The following PRKD2 variants were observed in gnomAD, a reference collection of about 807,000 sequenced individuals.
The protein encoded by PRKD2 is serine/threonine-protein kinase D2.
A neutral mutation model predicts 86.0 loss-of-function variants in PRKD2; 22 were observed. The ratio of observed to expected loss-of-function variants is 0.26; its 90% CI spans 0.18 to 0.37. The LOEUF (loss-of-function observed/expected upper bound fraction) is 0.37. Ranked by LOEUF, PRKD2 falls within the 10% of genes least tolerant of loss-of-function variation. The pLI is 1.00. For missense variants in PRKD2, 818 were observed against 1,199.2 expected (o/e 0.68, Z 4.70); for synonymous variants, 509 against 510.9 (o/e 1.00, Z 0.05).
chr19:46,714,190 G>C (rs1191092026), intron 1 of PRKD2, 189 bp from the exon 2 acceptor site: 2 of 1,336,678 alleles, frequency 1.5e-6, no homozygotes, highest in South Asian at 1.9e-5. Context: ...CGCCCCAATT[G>C]TACGGGGAGG....
At chr19:46,689,468 G>GCATA in intron 14 of PRKD2, 69 bp downstream of exon 14, 1 of 1,505,436 alleles carries the variant, frequency 6.6e-7, no homozygotes, top group South Asian at 1.2e-5. Context: ...GACCCCCTAG[G>GCATA]CATACAGGGC....
At chr19:46,714,085 G>A (rs758697568) in intron 1 of PRKD2, 84 bp from the exon 2 acceptor site, 1 of 1,504,980 alleles carries the variant, frequency 6.6e-7, no homozygotes, top group Non-Finnish European at 8.9e-7. Flanking sequence ...CCCAGGGCAG[G>A]GCCGGCTGTT....
At chr19:46,713,802 C>CAA in intron 2 of PRKD2, 61 bp downstream of exon 2, 1 of 1,276,054 alleles carries the variant, frequency 7.8e-7, no homozygotes, top group Non-Finnish European at 1.1e-6. Context: ...CTACCCTCTC[C>CAA]TCCCCCAGAT....
Position 46,702,341 on chromosome 19 carries a change from G to C in PRKD2, c.890-1229C>G, listed in dbSNP as rs150366283. ...AGGTGTGAGCTACTGCCCCTGACCT[G>C]ATTCCGTATTTCTAAGGCTTCAGAG... On this transcript the variant is annotated intron_variant, in intron 5 of 17. Transcript: ENST00000291281. Among the ~76,000 whole-genome samples the C allele has an allele frequency of 2.0e-5, 3 of 151,916 alleles. No homozygotes were observed. The East Asian group carries it at 5.8e-4, about 30-fold the overall frequency.
At chr19:46,698,246 C>T (rs1398170398) in intron 7 of PRKD2, among the ~76,000 whole-genome samples, 1 of 152,064 alleles carries the variant, frequency 6.6e-6, no homozygotes, top group Non-Finnish European at 1.5e-5. Context: ...AACTCTTTGC[C>T]TCAACTCCTT....
rs1029421102 is a variant in PRKD2 at position 46,678,977 on chromosome 19, G to A, written c.2071-314C>T. 3.3e-5 allele frequency among the ~76,000 whole-genome samples: 5 copies of A among 152,196 alleles called. No homozygotes were observed. The highest frequency in any genetic ancestry group is 7.3e-5 in the Non-Finnish European group (5 of 68,030). On this transcript the variant is annotated intron_variant, in intron 15 of 17. Coordinates refer to ENST00000291281, the MANE Select transcript of PRKD2 (RefSeq NM_016457.5). This position sits in a 1 kb window ranked among gnomAD's most constrained non-coding sequence, Gnocchi z 5.7. The stretch of plus-strand genomic sequence containing the variant: ...TGGTGCACAATAAATGCTAGCTGCT[G>A]CTATACCTCTGCCACCTCCAATGGG...
At chr19:46,703,993 A>ACAC (rs1568732338) in intron 5 of PRKD2, among the ~76,000 whole-genome samples, 176 bp downstream of exon 5, 1 of 149,414 alleles carries the variant, frequency 6.7e-6, no homozygotes. Context: ...ACACACACAC[A>ACAC]ACTGAGGTTC....
rs1308542997 is a variant in PRKD2, at chr19:46,683,842, A to G, written c.1972-2094T>C. 2.0e-5 allele frequency among the ~76,000 whole-genome samples: 3 copies of G among 152,072 alleles called. No homozygotes were observed. The East Asian group carries it at 5.8e-4, about 29-fold the overall frequency. ...GCTGTTACTGTTGTTGTTATTAGTT[A>G]TTATTTTTGTGATGGCTTGTTGGTA... On this transcript the variant is annotated intron_variant, in intron 14 of 17. Coordinates refer to ENST00000291281, the MANE Select transcript of PRKD2 (RefSeq NM_016457.5).
intron 15 of PRKD2, among the ~76,000 whole-genome samples, chr19:46,679,756 C>G (rs1182951653): frequency 6.6e-6 from 1 of 152,150 alleles, no homozygotes; most frequent in Non-Finnish European, 1.5e-5. Context: ...TCCCGAATAG[C>G]TGGGATCACA....
intron 8 of PRKD2, 144 bp from the exon 9 acceptor site, chr19:46,697,378 C>T: frequency 3.2e-6 from 2 of 629,462 alleles, no homozygotes. Context: ...TAACCCCACC[C>T]CACCACACGC....
Position 46,710,893 on chromosome 19 carries a change from C to A in PRKD2, c.511+14G>T. 1 of 1,560,260 alleles carries A rather than the reference C, an allele frequency of 6.4e-7. No homozygotes were observed. The highest frequency in any genetic ancestry group is 1.2e-5 in the South Asian group (1 of 85,014). ...CCCCGCCCCAGGCCCCGCCCCCAACCCTTTAGCTCTCACCATCGCACTTGA... is the reference window on the plus strand; with the variant it reads ...CCCCGCCCCAGGCCCCGCCCCCAACACTTTAGCTCTCACCATCGCACTTGA... On this transcript the variant is annotated intron_variant, in intron 3 of 17. Transcript: ENST00000291281.
intron 8 of PRKD2, 120 bp downstream of exon 8, chr19:46,697,613 C>G: frequency 1.1e-6 from 1 of 871,402 alleles, no homozygotes; most frequent in Non-Finnish European, 1.8e-6. Context: ...CGGCCCAGCC[C>G]ACTACTGGCC....
intron 15 of PRKD2, among the ~76,000 whole-genome samples, chr19:46,680,946 A>ATATATATATATTT: frequency 1.2e-4 from 6 of 48,214 alleles, no homozygotes; most frequent in African/African-American, 4.2e-4. Context: ...ATATATATAT[A>ATATATATATATTT]TTTTTTTTTT....
At chr19:46,701,309 T>C (rs1568730541) in intron 5 of PRKD2, among the ~76,000 whole-genome samples, 197 bp from the exon 6 acceptor site, 2 of 151,432 alleles carry the variant, frequency 1.3e-5, no homozygotes, top group Non-Finnish European at 1.5e-5. Context: ...CTTGATTAAG[T>C]AGGAGGGCTA....
intron 2 of PRKD2, among the ~76,000 whole-genome samples, chr19:46,711,250 C>T (rs1165627185): frequency 6.6e-6 from 1 of 152,196 alleles, no homozygotes; most frequent in African/African-American, 2.4e-5. Context: ...TGGGCAGGGA[C>T]AGAGCGGGAA....
chr19:46,713,960 C>T lies in PRKD2; in HGVS notation c.282G>A (p.Leu94=), dbSNP rs774818157. Residue 94 remains leucine, a synonymous_variant, in exon 2 of 18, where the codon CTG becomes CTA. Transcript: ENST00000291281. ...CGFYGLYDKI[L]LFKHDPTSAN... ...CCGACGTGGGGTCATGTTTGAAAAGCAGGATCTTGTCGTAAAGGCCGTAGA... is the reference window on the plus strand; with the variant it reads ...CCGACGTGGGGTCATGTTTGAAAAGTAGGATCTTGTCGTAAAGGCCGTAGA... 1.9e-6 allele frequency: 3 copies of T among 1,613,602 alleles called. No individual in the cohort carries two copies.
chr19:46,693,547 C>T lies in PRKD2; in HGVS notation c.1576+328G>A, dbSNP rs1273267464. ...CTACTCCCAGGCTCAAGCAATTCTC[C>T]TGCCTCAGCCTTCCAAGTACCTGGA... On this transcript the variant is annotated intron_variant, in intron 10 of 17. Transcript: ENST00000291281. This position sits in a 1 kb window ranked among gnomAD's most constrained non-coding sequence, Gnocchi z 4.5. Among the ~76,000 whole-genome samples the T allele has an allele frequency of 6.6e-6, 1 of 152,170 alleles. No homozygotes were observed. The highest frequency in any genetic ancestry group is 1.5e-5 in the Non-Finnish European group (1 of 68,034).
At position 46,714,205 on chromosome 19, in the gene PRKD2, G is replaced by A; in HGVS notation, c.241-204C>T. 7 of 1,325,860 alleles carry A rather than the reference G, an allele frequency of 5.3e-6. No individual in the cohort carries two copies. In the South Asian group the frequency reaches 7.8e-5, roughly 15 times the overall value. The allele number at this position is 1,325,860 out of a possible 1,614,324, so 82.1% of individuals were successfully genotyped here. A position where few individuals can be genotyped will look rare whatever the true frequency, so the allele number is the denominator to read the frequency against. ...CGCCCCAATTGTACGGGGAGGGGGC[G>A]CCGGCGTGGGTTTGGTGGCTGGAAG... On this transcript the variant is annotated intron_variant, in intron 1 of 17. Transcript: ENST00000291281.
At chr19:46,679,494 G>A (rs913718824) in intron 15 of PRKD2, among the ~76,000 whole-genome samples, 1 of 152,198 alleles carries the variant, frequency 6.6e-6, no homozygotes, top group African/African-American at 2.4e-5. Flanking sequence ...ATTTCTCCAG[G>A]CCTTGATTTT....
Sources: gnomAD v4.1 joint callset for allele counts (sites outside exome capture counted in the v4.1 genomes callset) on GRCh38, gnomAD v4.1.1 for gene constraint, Gnocchi (gnomAD v3.1) non-coding constraint, MANE v1.5 for transcripts, NCBI Gene and HGNC (gene_info 2026-07-23, HGNC 2026-07-21) for gene names.